Variants in SYBU observed in about 807,000 individuals in gnomAD.
The protein encoded by SYBU is syntabulin.
A neutral mutation model predicts 35.9 loss-of-function variants in SYBU; 21 were observed. That is an observed-to-expected ratio of 0.58 (90% CI 0.41 to 0.84). The LOEUF is 0.84. SYBU is among the 40% of genes least tolerant of loss of function. The probability of loss-of-function intolerance (pLI) is 0.00; values close to 1 mark genes in which losing one functional copy is unlikely to be tolerated. For synonymous variants in SYBU, 319 were observed against 324.3 expected (o/e 0.98, Z 0.18); for missense variants, 768 against 848.2 (o/e 0.91, Z 1.17).
At chr8:109,645,291 G>A (rs1241613614), upstream of SYBU, 5 of 456,618 alleles carry the variant, frequency 1.1e-5, no homozygotes, top group Non-Finnish European at 2.2e-5. Flanking sequence ...TCTCGTACCG[G>A]AGCCCAGCCA....
intron 3 of SYBU, among the ~76,000 whole-genome samples, chr8:109,611,709 T>C (rs368542742): frequency 6.6e-6 from 1 of 152,206 alleles, no homozygotes; most frequent in South Asian, 2.1e-4. Flanking sequence ...CATTTTGACA[T>C]GTGAAGAAAG....
Position 109,642,877 on chromosome 8 carries a change from C to G in SYBU, c.80G>C (p.Arg27Pro), listed in dbSNP as rs776895192. The G allele has an allele frequency of 1.3e-6, 2 of 1,594,266 alleles. No individual in the cohort carries two copies. Among genetic ancestry groups the G allele is most frequent in the Non-Finnish European group, 8.5e-7 (1 of 1,169,746 alleles). Residue 27 changes from arginine to proline, a missense_variant, in exon 2 of 7, where the codon CGG (arginine) becomes CCG (proline). By Grantham distance (103) the Arg-to-Pro change is moderately radical (BLOSUM62 -2). Transcript: ENST00000276646. The part of the protein sequence containing the change: ...DKEISRSRIP[R>P]LILRPHMPQQ... ...GGGCATATGGGGCCGAAGAATCAAC[C>G]GGGGAATTCGGCTTCGAGAAATCTC... is the stretch of plus-strand genomic sequence containing the variant.
At chr8:109,651,982 CTCAT>C (rs553988140) in intron 1 of SYBU, among the ~76,000 whole-genome samples, 155 of 152,310 alleles carry the variant, frequency 1.0e-3, no homozygotes, top group Non-Finnish European at 1.9e-3. Context: ...ACACCTATCA[CTCAT>C]TCATTCATTC....
intron 3 of SYBU, among the ~76,000 whole-genome samples, chr8:109,613,199 A>G (rs151221345): frequency 0.011 from 1,696 of 152,132 alleles, 14 homozygotes; most frequent in Non-Finnish European, 0.013. Flanking sequence ...AACCTGCTAG[A>G]TTTTTGTTCC....
chr8:109,641,319 A>G (rs1479870042), intron 2 of SYBU, among the ~76,000 whole-genome samples: 1 of 152,244 alleles, frequency 6.6e-6, no homozygotes, highest in African/African-American at 2.4e-5. Context: ...ACAGACATCC[A>G]TAGTTCCTTG....
chr8:109,621,918 C>A (rs1290207552), intron 2 of SYBU, among the ~76,000 whole-genome samples: 2 of 152,116 alleles, frequency 1.3e-5, no homozygotes, highest in Non-Finnish European at 2.9e-5. Flanking sequence ...GCTTCATGTG[C>A]TAGGGAGTAA....
upstream of SYBU, chr8:109,648,833 T>G (rs960094875): frequency 6.6e-6 from 1 of 151,690 alleles, no homozygotes; most frequent in Non-Finnish European, 1.5e-5. Flanking sequence ...GCAGCTGACG[T>G]GCTTCACAAC....
upstream of SYBU, among the ~76,000 whole-genome samples, chr8:109,648,536 C>A (rs1325195222): frequency 6.6e-6 from 1 of 151,860 alleles, no homozygotes; most frequent in Non-Finnish European, 1.5e-5. Context: ...GACCAGATAA[C>A]TGAAAAAGCA....
intron 1 of SYBU, among the ~76,000 whole-genome samples, chr8:109,667,510 A>C (rs1033370753): frequency 8.7e-5 from 12 of 137,792 alleles, no homozygotes; most frequent in African/African-American, 2.0e-4. Flanking sequence ...TAGTGCCACA[A>C]AAAAAAAAAG....
chr8:109,588,170 ACACT>A (rs1448802927), intron 3 of SYBU, among the ~76,000 whole-genome samples: 1 of 152,216 alleles, frequency 6.6e-6, no homozygotes, highest in African/African-American at 2.4e-5. Flanking sequence ...ACTCTGAAAA[ACACT>A]CAGCTTTCAT....
In SYBU at chr8:109,672,160, C is replaced by T. The variant is rs369323292; in HGVS notation, c.-129+8551G>A. Among the ~76,000 whole-genome samples the T allele has an allele frequency of 2.3e-3, 356 of 152,192 alleles. 1 individual carries two copies. The highest frequency in any genetic ancestry group is 7.8e-3 in the African/African-American group (322 of 41,512). On this transcript the variant is annotated intron_variant, in intron 1 of 5. Coordinates refer to the SYBU transcript ENST00000408889. ...AGGTGATCCACCTGGTTTGGCCTCC[C>T]GAAGTGCTGGGATTACAGGTGTGAG... is the stretch of plus-strand genomic sequence containing the variant.
intron 3 of SYBU, among the ~76,000 whole-genome samples, chr8:109,600,224 A>G (rs1586790500): frequency 6.6e-6 from 1 of 152,334 alleles, no homozygotes; most frequent in East Asian, 1.9e-4. Context: ...ATGTTATTTC[A>G]CAGCATTAAA....
At chr8:109,620,452 C>A (rs1812288153) in intron 2 of SYBU, among the ~76,000 whole-genome samples, 1 of 152,156 alleles carries the variant, frequency 6.6e-6, no homozygotes, top group African/African-American at 2.4e-5. Flanking sequence ...TGCTAGAATC[C>A]ATCTAAAGAA....
intron 1 of SYBU, among the ~76,000 whole-genome samples, chr8:109,656,278 G>A (rs191372406): frequency 2.1e-4 from 32 of 152,260 alleles, no homozygotes; most frequent in Non-Finnish European, 4.1e-4. Context: ...GTATAGAACC[G>A]TAAGTTTGTT....
intron 1 of SYBU, chr8:109,643,814 C>T: frequency 3.0e-6 from 1 of 334,770 alleles, no homozygotes; most frequent in South Asian, 2.4e-5. Context: ...AGGAAACAGG[C>T]TAAATGGGGT....
upstream of SYBU, among the ~76,000 whole-genome samples, chr8:109,681,797 T>C (rs1226226740): frequency 6.6e-6 from 1 of 152,106 alleles, no homozygotes; most frequent in Admixed American, 6.6e-5. Flanking sequence ...TCATCTTGAA[T>C]TGTAGTTCCC....
At chr8:109,580,900 T>C (rs1243526754) in intron 4 of SYBU, 1 of 152,332 alleles carries the variant, frequency 6.6e-6, no homozygotes, top group East Asian at 1.9e-4. Context: ...GGATCCATGC[T>C]TGACCATCCT....
intron 5 of SYBU, among the ~76,000 whole-genome samples, 156 bp from the exon 6 acceptor site, chr8:109,578,173 C>T (rs185411031): frequency 6.6e-6 from 1 of 152,300 alleles, no homozygotes; most frequent in Admixed American, 6.5e-5. Context: ...GTGGTGACGA[C>T]TTTGGGAATT....
chr8:109,622,173 T>C (rs938758217), intron 2 of SYBU, among the ~76,000 whole-genome samples: 1 of 148,524 alleles, frequency 6.7e-6, no homozygotes, highest in Non-Finnish European at 1.5e-5. Context: ...AACAATAAAA[T>C]AATATGAGTA....
Sources: gnomAD v4.1 joint callset for allele counts (sites outside exome capture counted in the v4.1 genomes callset) on GRCh38, gnomAD v4.1.1 for gene constraint, MANE v1.5 for transcripts, NCBI Gene and HGNC (gene_info 2026-07-23, HGNC 2026-07-21) for gene names.